Variants in CSMD1 observed in about 807,000 individuals in gnomAD.
The protein encoded by CSMD1 is CUB and Sushi multiple domains 1.
Under a neutral mutation model 417.5 loss-of-function variants are expected in CSMD1, and 213 were observed. The observed-to-expected ratio is 0.51, with a 90% CI of 0.46 to 0.57. The LOEUF (loss-of-function observed/expected upper bound fraction) is 0.57. Among genes scored for constraint, CSMD1 ranks in the 20% least tolerant of loss-of-function variants. CSMD1 has a pLI of 0.00. For synonymous variants in CSMD1, 2,862 were observed against 1,736.8 expected, an observed-to-expected ratio of 1.65 and a Z score of -16.11; for missense variants, 6,923 against 4,529.7, an observed-to-expected ratio of 1.53 and a Z score of -15.17.
chr8:4,987,442 G>A (rs933616136), intron 1 of CSMD1, among the ~76,000 whole-genome samples: 2 of 152,126 alleles, frequency 1.3e-5, no homozygotes, highest in African/African-American at 4.8e-5. Flanking sequence ...TTCCATCGGG[G>A]TTCATGGTTT....
chr8:4,907,667 C>T (rs989350031), intron 1 of CSMD1, among the ~76,000 whole-genome samples: 1 of 151,990 alleles, frequency 6.6e-6, no homozygotes, highest in South Asian at 2.1e-4. Context: ...TCTAATGATC[C>T]TCCTAGTCAA....
At chr8:4,592,815 T>G (rs1301068712) in intron 2 of CSMD1, among the ~76,000 whole-genome samples, 1 of 152,198 alleles carries the variant, frequency 6.6e-6, no homozygotes, top group Non-Finnish European at 1.5e-5. Context: ...ACACGAAATA[T>G]CCTGTTGTTT....
At chr8:4,300,416 A>G (rs1183972720) in intron 3 of CSMD1, among the ~76,000 whole-genome samples, 1 of 152,228 alleles carries the variant, frequency 6.6e-6, no homozygotes, top group Non-Finnish European at 1.5e-5. Context: ...TTTGTAAGCG[A>G]TGATGCCAGG....
chr8:3,848,384 G>C (rs751430778), intron 5 of CSMD1, among the ~76,000 whole-genome samples: 1 of 152,004 alleles, frequency 6.6e-6, no homozygotes, highest in South Asian at 2.1e-4. Flanking sequence ...TTTTTTCTCA[G>C]CCTTCTCTAG....
At chr8:4,471,472 T>G (rs1800527858) in intron 2 of CSMD1, among the ~76,000 whole-genome samples, 1 of 152,096 alleles carries the variant, frequency 6.6e-6, no homozygotes, top group Admixed American at 6.5e-5. Flanking sequence ...ATTCACAAGA[T>G]GCATGTGCCT....
intron 3 of CSMD1, among the ~76,000 whole-genome samples, chr8:4,376,202 C>T (rs1167049825): frequency 1.3e-5 from 2 of 152,176 alleles, no homozygotes; most frequent in Non-Finnish European, 2.9e-5. Flanking sequence ...TTTCTGCTGG[C>T]TCTGTTTGTC....
At chr8:4,189,580 A>G (rs1178435832) in intron 3 of CSMD1, among the ~76,000 whole-genome samples, 2 of 152,186 alleles carry the variant, frequency 1.3e-5, no homozygotes, top group Non-Finnish European at 2.9e-5. Context: ...TATATGCATG[A>G]TACTATGTTA....
intron 12 of CSMD1, among the ~76,000 whole-genome samples, chr8:3,453,421 T>C (rs920858200): frequency 1.3e-5 from 2 of 152,208 alleles, no homozygotes; most frequent in Non-Finnish European, 2.9e-5. Context: ...CAATTTTAGA[T>C]CTTGCCTGCT....
At chr8:3,002,563 T>C (rs1379753183) in intron 52 of CSMD1, among the ~76,000 whole-genome samples, 1 of 152,230 alleles carries the variant, frequency 6.6e-6, no homozygotes, top group Admixed American at 6.5e-5. Context: ...GCAATAGTGA[T>C]GTGAAAAGGG....
At position 3,416,523 on chromosome 8, in the gene CSMD1, A is replaced by C. The variant is rs147152747; in HGVS notation, c.1562-6918T>G. 8.1e-3 allele frequency among the ~76,000 whole-genome samples: 1,231 copies of C among 152,288 alleles called. 16 individuals are homozygous for C. The highest frequency in any genetic ancestry group is 0.028 in the African/African-American group (1,161 of 41,564). On this transcript the variant is annotated intron_variant, in intron 12 of 69. Transcript: ENST00000635120. ...ACTTGAATTTCAAAAAGAGCTAAGA[A>C]GGCAGAAAGGAATGAGACATAACTG...
chr8:4,586,780 C>T (rs905101652), intron 2 of CSMD1, among the ~76,000 whole-genome samples: 3 of 152,154 alleles, frequency 2.0e-5, no homozygotes, highest in African/African-American at 7.2e-5. Flanking sequence ...TTTCTGTGCT[C>T]CTCCAGGATG....
intron 4 of CSMD1, among the ~76,000 whole-genome samples, chr8:4,004,379 G>C (rs1290412422): frequency 1.3e-5 from 2 of 150,868 alleles, no homozygotes; most frequent in Admixed American, 6.6e-5. Context: ...ACATATTAGA[G>C]ATGCTGTTGT....
chr8:4,000,045 T>TA (rs1815543871), intron 4 of CSMD1, among the ~76,000 whole-genome samples: 1 of 152,264 alleles, frequency 6.6e-6, no homozygotes, highest in Non-Finnish European at 1.5e-5. Context: ...GTGTGTATAC[T>TA]ACAATTTGAA....
chr8:3,711,132 G>C (rs928685689), intron 6 of CSMD1, among the ~76,000 whole-genome samples: 1 of 152,130 alleles, frequency 6.6e-6, no homozygotes, highest in African/African-American at 2.4e-5. Context: ...ACTTCTCCTG[G>C]GTATTTTAAA....
chr8:3,672,040 G>A (rs1056729871), intron 7 of CSMD1, among the ~76,000 whole-genome samples: 4 of 152,136 alleles, frequency 2.6e-5, no homozygotes, highest in African/African-American at 7.2e-5. Flanking sequence ...AAATGAAGAA[G>A]CAAATTAACA....
chr8:3,037,769 G>C (rs999421598), intron 50 of CSMD1, among the ~76,000 whole-genome samples: 1 of 152,170 alleles, frequency 6.6e-6, no homozygotes, highest in African/African-American at 2.4e-5. Flanking sequence ...GAGTTTTAAA[G>C]TTAACTTCTA....
chr8:4,019,914 TAAA>T (rs144493389), intron 4 of CSMD1, among the ~76,000 whole-genome samples: 48,597 of 144,218 alleles, frequency 0.34, 8,686 homozygotes, highest in South Asian at 0.53. Flanking sequence ...AGTAATTCAT[TAAA>T]AAAAAAAAAA....
At chr8:3,669,231 G>T (rs1798859007) in intron 7 of CSMD1, among the ~76,000 whole-genome samples, 2 of 152,268 alleles carry the variant, frequency 1.3e-5, no homozygotes, top group South Asian at 4.1e-4. Flanking sequence ...ACTAAATAAG[G>T]TAGCACACTG....
intron 50 of CSMD1, among the ~76,000 whole-genome samples, chr8:3,042,008 G>C (rs1811130203): frequency 6.6e-6 from 1 of 152,170 alleles, no homozygotes; most frequent in East Asian, 1.9e-4. Context: ...AGGCACAGAA[G>C]CCTTAACAAC....
Sources: allele counts gnomAD v4.1 joint callset (sites outside exome capture counted in the v4.1 genomes callset), GRCh38; gene constraint gnomAD v4.1.1; transcripts MANE v1.5; gene names NCBI Gene and HGNC (gene_info 2026-07-23, HGNC 2026-07-21).